The following C8orf34 variants were observed in gnomAD, a reference collection of about 807,000 sequenced individuals.
The protein encoded by C8orf34 is chromosome 8 open reading frame 34, also known as uncharacterized protein C8orf34.
A neutral mutation model predicts 68.3 loss-of-function variants in C8orf34; 65 were observed. The ratio of observed to expected loss-of-function variants is 0.95; its 90% CI spans 0.78 to 1.17. C8orf34 has a LOEUF of 1.17. Ranked by LOEUF, C8orf34 falls within the 50% of genes most tolerant of loss-of-function variation. The probability of loss-of-function intolerance (pLI) is 0.00; values close to 1 mark genes in which losing one functional copy is unlikely to be tolerated. For synonymous variants in C8orf34, 244 were observed against 241.2 expected, an observed-to-expected ratio of 1.01 and a Z score of -0.11; for missense variants, 664 against 655.4, an observed-to-expected ratio of 1.01 and a Z score of -0.14.
intron 7 of C8orf34, among the ~76,000 whole-genome samples, chr8:68,617,811 C>T (rs1818271573): frequency 6.6e-6 from 1 of 152,074 alleles, no homozygotes; most frequent in South Asian, 2.1e-4. Flanking sequence ...CTCTGTATTT[C>T]CTGAATCTGA....
intron 8 of C8orf34, among the ~76,000 whole-genome samples, chr8:68,652,411 T>C (rs1015264687): frequency 4.2e-4 from 64 of 152,360 alleles, no homozygotes; most frequent in African/African-American, 1.5e-3. Context: ...CTTTTTCATT[T>C]TGATCAAGTC....
At chr8:68,522,036 C>G in intron 6 of C8orf34, 65 bp downstream of exon 6, 1 of 1,410,112 alleles carries the variant, frequency 7.1e-7, no homozygotes, top group Non-Finnish European at 9.7e-7. Flanking sequence ...GAAAATAAAC[C>G]CAAGTTCATG....
At chr8:68,445,034 A>G (rs149273905) in intron 2 of C8orf34, among the ~76,000 whole-genome samples, 15 of 152,180 alleles carry the variant, frequency 9.9e-5, no homozygotes, top group Non-Finnish European at 1.9e-4. Context: ...CTCTTTTTGA[A>G]TGGCCTATAT....
chr8:68,491,677 A>G (rs541773232), intron 5 of C8orf34, among the ~76,000 whole-genome samples: 5 of 152,364 alleles, frequency 3.3e-5, no homozygotes, highest in Admixed American at 1.3e-4. Flanking sequence ...TTAATCATGC[A>G]AAGTCCTTTT....
chr8:68,792,665 C>G (rs1824044177), intron 12 of C8orf34: 1 of 132,536 alleles, frequency 7.5e-6, no homozygotes, highest in Non-Finnish European at 1.7e-5. Context: ...AGGAAAAAGA[C>G]AAAGAGATAT....
intron 7 of C8orf34, among the ~76,000 whole-genome samples, chr8:68,559,085 A>G (rs1046562027): frequency 7.9e-5 from 12 of 152,192 alleles, no homozygotes; most frequent in Admixed American, 3.9e-4. Flanking sequence ...GTGAACATGA[A>G]CATAAAACAA....
chr8:68,385,510 TA>T (rs983722260), intron 1 of C8orf34, among the ~76,000 whole-genome samples: 102 of 152,296 alleles, frequency 6.7e-4, no homozygotes, highest in Non-Finnish European at 1.3e-3. Context: ...TGTTGAATAA[TA>T]AAAAACAGTG....
intron 1 of C8orf34, among the ~76,000 whole-genome samples, chr8:68,393,212 C>A (rs1808545382): frequency 6.6e-6 from 1 of 152,058 alleles, no homozygotes; most frequent in African/African-American, 2.4e-5. Context: ...ATCTTAAAGT[C>A]TTAATCTTTT....
intron 7 of C8orf34, among the ~76,000 whole-genome samples, chr8:68,573,909 T>C (rs1253604295): frequency 1.3e-5 from 2 of 152,196 alleles, no homozygotes; most frequent in Non-Finnish European, 2.9e-5. Flanking sequence ...TTAAAAAATA[T>C]CTATGGTGAA....
At chr8:68,651,775 G>C (rs558521415) in intron 8 of C8orf34, among the ~76,000 whole-genome samples, 72 of 152,258 alleles carry the variant, frequency 4.7e-4, no homozygotes, top group African/African-American at 1.7e-3. Flanking sequence ...GCGAGGGTGA[G>C]GGATGAAAAA....
chr8:68,794,267 G>C (rs1441542306), intron 12 of C8orf34, among the ~76,000 whole-genome samples: 1 of 151,250 alleles, frequency 6.6e-6, no homozygotes, highest in African/African-American at 2.4e-5. Flanking sequence ...TGCCTCCAGG[G>C]CTCAAGCGAT....
At chr8:68,419,876 C>T (rs1271335452) in intron 1 of C8orf34, among the ~76,000 whole-genome samples, 1 of 145,970 alleles carries the variant, frequency 6.9e-6, no homozygotes, top group African/African-American at 2.5e-5. Context: ...ATACCTAATG[C>T]GAGATGACGA....
intron 1 of C8orf34, among the ~76,000 whole-genome samples, chr8:68,365,019 A>G (rs2129619524): frequency 6.6e-6 from 1 of 151,626 alleles, no homozygotes; most frequent in Admixed American, 6.5e-5. Flanking sequence ...AAAGAAAAAA[A>G]GAGAGAAGAA....
intron 7 of C8orf34, among the ~76,000 whole-genome samples, chr8:68,542,825 A>C (rs980993595): frequency 3.3e-5 from 5 of 152,168 alleles, no homozygotes; most frequent in African/African-American, 1.2e-4. Context: ...TAAGGTTTAG[A>C]TTATTTGCTC....
intron 8 of C8orf34, among the ~76,000 whole-genome samples, chr8:68,678,319 C>T (rs10282983): frequency 0.22 from 33,619 of 152,016 alleles, 4,033 homozygotes; most frequent in Middle Eastern, 0.35. Context: ...CTCTGATGAA[C>T]ATTGATGCAA....
intron 1 of C8orf34, among the ~76,000 whole-genome samples, chr8:68,429,038 T>A (rs1421334904): frequency 6.6e-6 from 1 of 152,068 alleles, no homozygotes; most frequent in African/African-American, 2.4e-5. Context: ...TAGAGGATTT[T>A]AAAAAATAGG....
chr8:68,413,405 G>A (rs1028108936), intron 1 of C8orf34, among the ~76,000 whole-genome samples: 1 of 152,216 alleles, frequency 6.6e-6, no homozygotes, highest in Non-Finnish European at 1.5e-5. Context: ...TAATGTGAGT[G>A]TTCAGTACAT....
intron 3 of C8orf34, among the ~76,000 whole-genome samples, chr8:68,453,677 T>C (rs1486225071): frequency 6.6e-6 from 1 of 152,036 alleles, no homozygotes; most frequent in Admixed American, 6.6e-5. Flanking sequence ...TTGTGAATTC[T>C]TTAGGACTCT....
intron 1 of C8orf34, among the ~76,000 whole-genome samples, chr8:68,413,310 GCAGA>G (rs1809523800): frequency 2.0e-5 from 3 of 152,146 alleles, no homozygotes; most frequent in South Asian, 2.1e-4. Flanking sequence ...GAGGAAATCT[GCAGA>G]CAAACACTGC....
Sources: allele counts gnomAD v4.1 joint callset (sites outside exome capture counted in the v4.1 genomes callset), GRCh38; gene constraint gnomAD v4.1.1; transcripts MANE v1.5; gene names NCBI Gene and HGNC (gene_info 2026-07-23, HGNC 2026-07-21).